The following POLA2 variants were observed in gnomAD, a reference collection of about 807,000 sequenced individuals.
The protein encoded by POLA2 is DNA polymerase alpha subunit B.
In POLA2, 47 loss-of-function variants were observed where a neutral mutation model predicts 82.8. That is an observed-to-expected ratio of 0.57 (90% CI 0.45 to 0.72). POLA2 has a LOEUF of 0.72. POLA2 is among the 30% of genes least tolerant of loss of function. The pLI is 0.00. For missense variants in POLA2, 634 were observed against 728.1 expected, an observed-to-expected ratio of 0.87 and a Z score of 1.49; for synonymous variants, 287 against 286.8, an observed-to-expected ratio of 1.00 and a Z score of -0.01.
At chr11:65,263,671 T>C (rs1949425901) in intron 1 of POLA2, among the ~76,000 whole-genome samples, 1 of 151,768 alleles carries the variant, frequency 6.6e-6, no homozygotes, top group African/African-American at 2.4e-5. Flanking sequence ...CTACTAAAAA[T>C]ACAAAATTAG....
chr11:65,304,885 G>A (rs190957427), intron 8 of POLA2, among the ~76,000 whole-genome samples: 4 of 152,070 alleles, frequency 2.6e-5, no homozygotes, highest in Non-Finnish European at 2.9e-5. Flanking sequence ...GCACGTGGCA[G>A]TCAGAGTGGT....
At chr11:65,292,103 G>A (rs1048982003) in intron 13 of POLA2, among the ~76,000 whole-genome samples, 2 of 152,194 alleles carry the variant, frequency 1.3e-5, no homozygotes, top group African/African-American at 2.4e-5. Context: ...GCCAGATGTG[G>A]TGGTGGGTGC....
chr11:65,262,013 C>T lies in POLA2; in HGVS notation c.-280C>T, dbSNP rs1673945779. 2 of 494,922 alleles carry T rather than the reference C, an allele frequency of 4.0e-6. No individual in the cohort carries two copies. The highest frequency in any genetic ancestry group is 3.6e-5 in the East Asian group (1 of 27,504). The allele number at this position is 494,922 out of a possible 1,614,324, so 30.7% of individuals were successfully genotyped here. A position where few individuals can be genotyped will look rare whatever the true frequency, so the allele number is the denominator to read the frequency against. On this transcript the variant is annotated 5_prime_UTR_variant, in exon 1 of 18. In the 5' UTR this introduces an upstream ATG that the reference lacks. Coordinates refer to ENST00000265465, the MANE Select transcript of POLA2 (RefSeq NM_002689.4). ...CAGCGGTAGCTTTTGGGAAGCAGGA[C>T]GTTCTCACCAGGAGAGCGTCCTCTC...
intron 8 of POLA2, among the ~76,000 whole-genome samples, chr11:65,304,966 C>T (rs988204676): frequency 1.3e-5 from 2 of 151,602 alleles, no homozygotes; most frequent in Admixed American, 6.6e-5. Flanking sequence ...AAAACCCTTG[C>T]GGGCTCCATT....
chr11:65,304,278 T>A (rs1389303139), intron 8 of POLA2, among the ~76,000 whole-genome samples: 3 of 150,930 alleles, frequency 2.0e-5, no homozygotes, highest in African/African-American at 7.3e-5. Context: ...CATCCTTTCT[T>A]CCATCCATCC....
intron 4 of POLA2, among the ~76,000 whole-genome samples, chr11:65,273,223 G>C (rs1384747279): frequency 6.6e-6 from 1 of 152,004 alleles, no homozygotes; most frequent in African/African-American, 2.4e-5. Context: ...AGGAGGCTGA[G>C]GCAGGAGAAT....
intron 1 of POLA2, among the ~76,000 whole-genome samples, chr11:65,263,827 CAAAAA>C (rs772298270): frequency 9.7e-6 from 1 of 103,306 alleles, no homozygotes; most frequent in Non-Finnish European, 2.1e-5. Flanking sequence ...GACTCTGTCT[CAAAAA>C]AAAAAAAAAG....
intron 10 of POLA2, among the ~76,000 whole-genome samples, chr11:65,284,550 CAG>C (rs1395526606): frequency 1.4e-5 from 2 of 142,596 alleles, no homozygotes; most frequent in Admixed American, 7.2e-5. Context: ...TTTTTTTAGA[CAG>C]AGTTTCACTC....
chr11:65,295,584 T>C lies in POLA2; in HGVS notation c.1505T>C (p.Ile502Thr). ...SDRFSRILKH[I>T]LTQRSYYPLY... ...AGATTCAGCCGAATACTCAAGCACA[T>C]CTTGACCCAGAGGAGGTGAGCTTGC... Residue 502 changes from isoleucine to threonine, a missense_variant, in exon 16 of 18, where the codon ATC becomes ACC. Coordinates refer to ENST00000265465, the MANE Select transcript of POLA2 (RefSeq NM_002689.4). 1 of 1,613,820 alleles carries C rather than the reference T, an allele frequency of 6.2e-7. No homozygotes were observed. Among genetic ancestry groups the C allele is most frequent in the Non-Finnish European group, 8.5e-7 (1 of 1,179,854 alleles).
chr11:65,280,888 T>C (rs1949632891), intron 7 of POLA2, 104 bp from the exon 8 acceptor site: 2 of 1,117,502 alleles, frequency 1.8e-6, no homozygotes, highest in South Asian at 1.4e-5. Flanking sequence ...CCAAGAAATG[T>C]ATTTGTTGTT....
rs73484981 is a variant in POLA2, at chr11:65,291,532, G to A, written c.1244+1660G>A. Among the ~76,000 whole-genome samples, 1,066 of 152,288 alleles carry A rather than the reference G, an allele frequency of 7.0e-3. 11 individuals carry two copies. Among genetic ancestry groups the A allele is most frequent in the African/African-American group, 0.025 (1,022 of 41,548 alleles). The stretch of plus-strand genomic sequence containing the variant: ...CTTCCCCAGATTTGCTGTGATCCTG[G>A]TCAAGTTCATCAGGCCTGGAGAGTG... On this transcript the variant is annotated intron_variant, in intron 13 of 17. Coordinates refer to ENST00000265465, the MANE Select transcript of POLA2 (RefSeq NM_002689.4).
chr11:65,277,140 C>T (rs1243354311), intron 5 of POLA2, among the ~76,000 whole-genome samples: 1 of 150,170 alleles, frequency 6.7e-6, no homozygotes, highest in African/African-American at 2.4e-5. Context: ...TGCAGTCATT[C>T]AAGGTGAGTG....
chr11:65,265,484 CTTTCTTTTT>C (rs1949449785), intron 1 of POLA2, among the ~76,000 whole-genome samples: 1 of 151,784 alleles, frequency 6.6e-6, no homozygotes, highest in South Asian at 2.1e-4. Context: ...ACTAGTTTTT[CTTTCTTTTT>C]TTTCTGAGAC....
At chr11:65,291,568 C>T (rs924981618) in intron 13 of POLA2, among the ~76,000 whole-genome samples, 15 of 152,216 alleles carry the variant, frequency 9.9e-5, no homozygotes, top group Non-Finnish European at 1.9e-4. Flanking sequence ...GTTGGAACTC[C>T]TCAGGAGATA....
At chr11:65,289,932 A>G in intron 13 of POLA2, 60 bp downstream of exon 13, 3 of 1,121,686 alleles carry the variant, frequency 2.7e-6, no homozygotes, top group Non-Finnish European at 4.0e-6. Context: ...AGAGCTTCCC[A>G]TTAAGAAACT....
chr11:65,272,405 C>T (rs914449404), intron 4 of POLA2, among the ~76,000 whole-genome samples: 2 of 152,198 alleles, frequency 1.3e-5, no homozygotes. Flanking sequence ...AGGTGTCCCT[C>T]TGCTATAGAG....
intron 1 of POLA2, among the ~76,000 whole-genome samples, chr11:65,265,686 C>T (rs2137488784): frequency 1.3e-5 from 2 of 152,280 alleles, no homozygotes; most frequent in Middle Eastern, 6.8e-3. Context: ...CCCTGTTGCC[C>T]AAGCTGGTCT....
chr11:65,278,314 G>A (rs1343509129), intron 5 of POLA2, among the ~76,000 whole-genome samples: 1 of 152,104 alleles, frequency 6.6e-6, no homozygotes, highest in Non-Finnish European at 1.5e-5. Context: ...TATATGCTCA[G>A]CAAGTTTTAG....
Position 65,291,409 on chromosome 11 carries a change from A to G in POLA2, c.1244+1537A>G, listed in dbSNP as rs979717709. Among the ~76,000 whole-genome samples the G allele has an allele frequency of 3.9e-5, 6 of 152,338 alleles. No individual in the cohort carries two copies. The South Asian group carries it at 1.2e-3, about 32-fold the overall frequency. On this transcript the variant is annotated intron_variant, in intron 13 of 17. Transcript: ENST00000265465. ...TAAAGAACATCCCCCAACTCACCCC[A>G]GAATCAGAGACTTGGGTTGTGCCAG...
Sources: gnomAD v4.1 joint callset for allele counts (sites outside exome capture counted in the v4.1 genomes callset) on GRCh38, gnomAD v4.1.1 for gene constraint, MANE v1.5 for transcripts, NCBI Gene and HGNC (gene_info 2026-07-23, HGNC 2026-07-21) for gene names.